The following ADIPOR1 variants were observed in gnomAD, a reference collection of about 807,000 sequenced individuals.
The protein encoded by ADIPOR1 is adiponectin receptor protein 1.
A neutral mutation model predicts 37.5 loss-of-function variants in ADIPOR1; 15 were observed. The observed-to-expected ratio is 0.40, with a 90% CI of 0.27 to 0.62. ADIPOR1 has a LOEUF of 0.62. ADIPOR1 is among the 20% of genes least tolerant of loss of function. ADIPOR1 has a pLI of 0.42. For missense variants in ADIPOR1, 286 were observed against 478.0 expected, an observed-to-expected ratio of 0.60 and a Z score of 3.75; for synonymous variants, 173 against 173.2, an observed-to-expected ratio of 1.00 and a Z score of 0.01.
At chr1:202,943,673 G>A in intron 6 of ADIPOR1, 85 bp downstream of exon 6, 3 of 1,455,148 alleles carry the variant, frequency 2.1e-6, no homozygotes, top group Non-Finnish European at 2.8e-6. Context: ...TTCTCAAGCT[G>A]CAAACCTTAA....
chr1:202,948,732 G>A (rs528447940), intron 2 of ADIPOR1, among the ~76,000 whole-genome samples: 87 of 152,126 alleles, frequency 5.7e-4, no homozygotes, highest in African/African-American at 1.8e-3. Context: ...TAGGATAGTG[G>A]TTCTTAACTT....
intron 2 of ADIPOR1, among the ~76,000 whole-genome samples, chr1:202,949,309 G>A (rs1310059772): frequency 2.0e-5 from 3 of 151,546 alleles, no homozygotes; most frequent in South Asian, 2.1e-4. Flanking sequence ...GGCCGGGCGC[G>A]GTGGCTCACG....
At position 202,948,391 on chromosome 1, in the gene ADIPOR1, G is replaced by A. The variant is rs1376477228; in HGVS notation, c.171C>T (p.Pro57=). 1.2e-6 allele frequency: 2 copies of A among 1,613,888 alleles called. No homozygotes were observed. The highest frequency in any genetic ancestry group is 2.2e-5 in the East Asian group (1 of 44,844). Residue 57 remains proline (P), a synonymous_variant, in exon 3 of 8, where the codon CCC becomes CCT. Coordinates refer to ENST00000340990, the MANE Select transcript of ADIPOR1 (RefSeq NM_015999.6). ...CCCGCACCTCCTCCTCTTCTTCCTG[G>A]GGCACTGGGCATGTTTGCTCTTCTT... ...KAEEEQTCPV[P]QEEEEEVRVL...
chr1:202,945,866 G>A (rs1654289188), intron 4 of ADIPOR1, among the ~76,000 whole-genome samples: 1 of 152,092 alleles, frequency 6.6e-6, no homozygotes, highest in African/African-American at 2.4e-5. Context: ...CTTAGAAGCG[G>A]GAGGGGGAGA....
chr1:202,946,587 G>A lies in ADIPOR1; in HGVS notation c.282C>T (p.Val94=). ...AGTCAGGGAGCACATCATATGGGATGACCCTCCAACGTCCCTCCCAGACCT... is the reference window on the plus strand; with the variant it reads ...AGTCAGGGAGCACATCATATGGGATAACCCTCCAACGTCCCTCCCAGACCT... The part of the protein sequence containing the change: ...VYKVWEGRWR[V]IPYDVLPDWL... The change falls in exon 4 of 8, where the codon GTC becomes GTT. Residue 94 remains valine, a synonymous_variant. Transcript: ENST00000340990. 1 of 1,614,022 alleles carries A rather than the reference G, an allele frequency of 6.2e-7. No individual in the cohort carries two copies.
At chr1:202,943,397 A>G (rs1008952953) in intron 6 of ADIPOR1, among the ~76,000 whole-genome samples, 1 of 152,188 alleles carries the variant, frequency 6.6e-6, no homozygotes, top group Non-Finnish European at 1.5e-5. Context: ...CCCTTAGTAA[A>G]ATGCCTCTGA....
chr1:202,952,589 C>G (rs757377772), intron 1 of ADIPOR1, among the ~76,000 whole-genome samples: 5 of 152,168 alleles, frequency 3.3e-5, no homozygotes, highest in Non-Finnish European at 7.3e-5. Context: ...GGACACCCTT[C>G]TTTTCCTGCC....
chr1:202,942,169 A>G lies in ADIPOR1; in HGVS notation c.855T>C (p.Phe285=), dbSNP rs1402027434. The G allele has an allele frequency of 1.9e-6, 3 of 1,614,094 alleles. No homozygotes were observed. The highest frequency in any genetic ancestry group is 2.5e-6 in the Non-Finnish European group (3 of 1,180,036). ...GLSGVVPTMH[F]TIAEGFVKAT... ...CCTTGACAAAGCCCTCAGCGATAGT[A>G]AAGTGCATGGTGGGCACGACGCCAC... Residue 285 remains phenylalanine, a synonymous_variant, in exon 7 of 8, where the codon TTT becomes TTC. Coordinates refer to ENST00000340990, the MANE Select transcript of ADIPOR1 (RefSeq NM_015999.6).
chr1:202,956,500 T>G (rs1654789432), intron 1 of ADIPOR1, among the ~76,000 whole-genome samples: 1 of 152,182 alleles, frequency 6.6e-6, no homozygotes, highest in Non-Finnish European at 1.5e-5. Flanking sequence ...TTGAAATGGT[T>G]GTTGGCCTCT....
chr1:202,943,662 G>C (rs1409521690), intron 6 of ADIPOR1, 96 bp downstream of exon 6: 2 of 1,380,454 alleles, frequency 1.4e-6, no homozygotes, highest in Non-Finnish European at 2.0e-6. Context: ...TTTGGGTGGG[G>C]TTCTCAAGCT....
intron 6 of ADIPOR1, 130 bp downstream of exon 6, chr1:202,943,628 A>G: frequency 9.7e-7 from 1 of 1,028,758 alleles, no homozygotes; most frequent in East Asian, 2.5e-5. Context: ...TGCTGTTTTG[A>G]AAGTTCTGAA....
chr1:202,942,292 G>T (rs1654125854), intron 6 of ADIPOR1, 74 bp from the exon 7 acceptor site: 2 of 1,383,776 alleles, frequency 1.4e-6, no homozygotes, highest in South Asian at 2.9e-5. Flanking sequence ...TCTTACTCTG[G>T]AATTTCAATG....
At chr1:202,958,512 G>C (rs1654878345), upstream of ADIPOR1, 2 of 152,844 alleles carry the variant, frequency 1.3e-5, no homozygotes, top group South Asian at 1.8e-4. Flanking sequence ...CCCGCCCCGG[G>C]GTAGAGGACG....
chr1:202,949,395 A>G (rs963407983), intron 2 of ADIPOR1, among the ~76,000 whole-genome samples: 1 of 151,322 alleles, frequency 6.6e-6, no homozygotes, highest in African/African-American at 2.4e-5. Flanking sequence ...CCTGGCTAAC[A>G]CGGTGAAACC....
At chr1:202,957,559 T>C (rs1654831050) in intron 1 of ADIPOR1, among the ~76,000 whole-genome samples, 1 of 152,104 alleles carries the variant, frequency 6.6e-6, no homozygotes, top group South Asian at 2.1e-4. Context: ...CCTAGATACC[T>C]AAGGTAATGA....
rs544131536 is a variant in ADIPOR1 at position 202,951,452 on chromosome 1, C to T, written c.-94-288G>A. Among the ~76,000 whole-genome samples the T allele has an allele frequency of 2.4e-4, 36 of 152,228 alleles. No individual in the cohort carries two copies. The South Asian group carries it at 6.6e-3, about 28-fold the overall frequency. ...CTGTCACCATAGAAAAACAGCTACC[C>T]ACCCTCAACTCCCTCCCACAGGTAT... On this transcript the variant is annotated intron_variant, in intron 1 of 7. Coordinates refer to ENST00000340990, the MANE Select transcript of ADIPOR1 (RefSeq NM_015999.6).
chr1:202,956,663 A>C lies in ADIPOR1; in HGVS notation c.-95+1522T>G, dbSNP rs150781531. ...AGGAGATTGATAGATAGAGATGGAAACAGGGCATTCCAGGAGGGTATATGG... is the reference window on the plus strand; with the variant it reads ...AGGAGATTGATAGATAGAGATGGAACCAGGGCATTCCAGGAGGGTATATGG... On this transcript the variant is annotated intron_variant, in intron 1 of 7. Coordinates refer to ENST00000340990, the MANE Select transcript of ADIPOR1 (RefSeq NM_015999.6). Among the ~76,000 whole-genome samples, 38 of 152,354 alleles carry C rather than the reference A, an allele frequency of 2.5e-4. No individual in the cohort carries two copies. In the East Asian group the frequency reaches 6.9e-3, roughly 28 times the overall value.
At chr1:202,950,257 C>T (rs1654515484) in intron 2 of ADIPOR1, among the ~76,000 whole-genome samples, 1 of 151,770 alleles carries the variant, frequency 6.6e-6, no homozygotes, top group African/African-American at 2.4e-5. Context: ...GCCACCGTGC[C>T]CGGCCCTGAT....
chr1:202,950,634 C>T (rs1474369841), intron 2 of ADIPOR1, among the ~76,000 whole-genome samples: 9 of 152,106 alleles, frequency 5.9e-5, no homozygotes, highest in African/African-American at 2.2e-4. Flanking sequence ...TATATGAAGT[C>T]AAACCTAATC....
Sources: allele counts gnomAD v4.1 joint callset (sites outside exome capture counted in the v4.1 genomes callset), GRCh38; gene constraint gnomAD v4.1.1; transcripts MANE v1.5; gene names NCBI Gene and HGNC (gene_info 2026-07-23, HGNC 2026-07-21).